Variants in PCDHA7 observed in about 807,000 individuals in gnomAD.
PCDHA7 encodes protocadherin alpha-7.
Under a neutral mutation model 57.2 loss-of-function variants are expected in PCDHA7, and 37 were observed. The ratio of observed to expected loss-of-function variants is 0.65; its 90% CI spans 0.50 to 0.85. PCDHA7 has a LOEUF of 0.85. PCDHA7 is among the 40% of genes least tolerant of loss of function. PCDHA7 has a pLI of 0.00. For missense variants in PCDHA7, 1,188 were observed against 1,241.8 expected (o/e 0.96, Z 0.65); for synonymous variants, 553 against 558.8 (o/e 0.99, Z 0.15).
chr5:140,860,328 C>G (rs971322066), intron 1 of PCDHA7: 8 of 151,880 alleles, frequency 5.3e-5, no homozygotes, highest in Non-Finnish European at 1.0e-4. Context: ...CTGCAGTGAC[C>G]CATGATTGTG....
At chr5:140,955,240 G>A (rs2095156409) in intron 1 of PCDHA7, among the ~76,000 whole-genome samples, 1 of 152,102 alleles carries the variant, frequency 6.6e-6, no homozygotes, top group African/African-American at 2.4e-5. Flanking sequence ...TTTTGCTTAG[G>A]ATCGGCTTGG....
At chr5:140,839,135 A>C (rs1378372841) in intron 1 of PCDHA7, among the ~76,000 whole-genome samples, 3 of 148,212 alleles carry the variant, frequency 2.0e-5, no homozygotes, top group African/African-American at 5.1e-5. Flanking sequence ...CATTCACATA[A>C]GCAGACCAAG....
intron 1 of PCDHA7, among the ~76,000 whole-genome samples, chr5:140,935,909 T>C (rs1452831803): frequency 6.6e-6 from 1 of 151,600 alleles, no homozygotes; most frequent in African/African-American, 2.4e-5. Flanking sequence ...TTTTTTTTTT[T>C]TGAGACAGAT....
chr5:140,907,167 T>C (rs1200819434), intron 1 of PCDHA7, among the ~76,000 whole-genome samples: 3 of 152,166 alleles, frequency 2.0e-5, no homozygotes, highest in Non-Finnish European at 4.4e-5. Context: ...ATATATTGGA[T>C]GCTGATTCAG....
At chr5:140,933,988 G>C (rs1156532752) in intron 1 of PCDHA7, among the ~76,000 whole-genome samples, 1 of 151,832 alleles carries the variant, frequency 6.6e-6, no homozygotes, top group Non-Finnish European at 1.5e-5. Context: ...CCTGGTGTTA[G>C]TGTCACCTCT....
chr5:140,847,280 A>T (rs2150398686), intron 1 of PCDHA7, among the ~76,000 whole-genome samples: 1 of 149,896 alleles, frequency 6.7e-6, no homozygotes, highest in Non-Finnish European at 1.5e-5. Context: ...TTGAACGGGA[A>T]GACAAACTCA....
At position 140,850,252 on chromosome 5, in the gene PCDHA7, G is replaced by C. The variant is rs1377963742; in HGVS notation, c.2355+13514G>C. 3.1e-5 allele frequency: 49 copies of C among 1,593,714 alleles called. 1 individual carries two copies. The East Asian group carries it at 1.0e-3, about 34-fold the overall frequency. ...AGCGAGATGGTGCTGCGGTCGGTGGGCGCCGGCGTAGTGGTGGGGAAGGTG... is the reference window on the plus strand; with the variant it reads ...AGCGAGATGGTGCTGCGGTCGGTGGCCGCCGGCGTAGTGGTGGGGAAGGTG... On this transcript the variant is annotated intron_variant, in intron 1 of 3. Transcript: ENST00000525929.
Position 141,009,767 on chromosome 5 carries a change from G to T in PCDHA7, c.2644G>T (p.Ala882Ser). ...PDKFIIPGSP[A>S]IISIRQEPTN... is the part of the protein sequence containing the mutation. Reference sequence around the variant, plus strand: ...CAAATTCATTATCCCAGGATCTCCTGCAATCATCTCCATCCGGCAGGAGCC... The same window carrying T: ...CAAATTCATTATCCCAGGATCTCCTTCAATCATCTCCATCCGGCAGGAGCC... The change falls in exon 4 of 4, where the codon GCA becomes TCA. Residue 882 changes from alanine to serine, a missense_variant. This residue lies in a region of PCDHA7 where 892 missense variants were observed against 788.5 expected (regional missense o/e 1.13). Coordinates refer to ENST00000525929, the MANE Select transcript of PCDHA7 (RefSeq NM_018910.3). 1 of 1,614,108 alleles carries T rather than the reference G, an allele frequency of 6.2e-7. No individual in the cohort carries two copies. Among genetic ancestry groups the T allele is most frequent in the South Asian group, 1.1e-5 (1 of 91,072 alleles).
intron 1 of PCDHA7, chr5:140,857,572 G>C: frequency 6.3e-7 from 1 of 1,596,716 alleles, no homozygotes; most frequent in Non-Finnish European, 8.6e-7. Flanking sequence ...GCTACGTGTC[G>C]GTGCACGCGG....
At chr5:140,869,378 G>T in intron 1 of PCDHA7, 3 of 1,614,168 alleles carry the variant, frequency 1.9e-6, no homozygotes, top group East Asian at 2.2e-5. Flanking sequence ...CGGATCGACC[G>T]CGAGGAGCTG....
intron 1 of PCDHA7, among the ~76,000 whole-genome samples, chr5:140,906,844 G>C (rs1295549477): frequency 6.6e-6 from 1 of 152,192 alleles, no homozygotes; most frequent in Non-Finnish European, 1.5e-5. Context: ...TTCATCTTGA[G>C]AGTCTGGGTC....
intron 1 of PCDHA7, among the ~76,000 whole-genome samples, chr5:140,951,313 T>C (rs1554219855): frequency 1.3e-5 from 2 of 152,194 alleles, no homozygotes; most frequent in Non-Finnish European, 2.9e-5. Flanking sequence ...TAATGTGTTA[T>C]TCTTGAGATT....
chr5:140,981,260 T>C (rs975813904), intron 2 of PCDHA7, among the ~76,000 whole-genome samples: 11 of 152,324 alleles, frequency 7.2e-5, no homozygotes, highest in African/African-American at 2.4e-4. Flanking sequence ...ACTTTCAAGA[T>C]AAGCAAATGT....
Position 140,953,939 on chromosome 5 carries a change from A to G in PCDHA7, c.2356-25010A>G, listed in dbSNP as rs544318515. ...TATTCTTCCTGATGCTCTCCCTCCCATTGCTCCCCCAACAGGCCCCAGTGT... is the reference window on the plus strand; with the variant it reads ...TATTCTTCCTGATGCTCTCCCTCCCGTTGCTCCCCCAACAGGCCCCAGTGT... On this transcript the variant is annotated intron_variant, in intron 1 of 3. Coordinates refer to ENST00000525929, the MANE Select transcript of PCDHA7 (RefSeq NM_018910.3). Among the ~76,000 whole-genome samples the G allele has an allele frequency of 2.8e-3, 420 of 151,700 alleles. 4 individuals carry two copies. The highest frequency in any genetic ancestry group is 4.8e-3 in the Non-Finnish European group (324 of 67,900).
intron 1 of PCDHA7, among the ~76,000 whole-genome samples, chr5:140,932,458 G>T (rs1316450984): frequency 6.6e-6 from 1 of 151,710 alleles, no homozygotes; most frequent in African/African-American, 2.4e-5. Flanking sequence ...TTTTGCCAGG[G>T]TATATAGGAA....
intron 1 of PCDHA7, among the ~76,000 whole-genome samples, chr5:140,934,420 C>T (rs559621314): frequency 1.1e-4 from 16 of 152,184 alleles, no homozygotes; most frequent in Non-Finnish European, 1.8e-4. Flanking sequence ...TTTGCATTAT[C>T]AATGCAAGTG....
chr5:140,911,724 C>T (rs1255448143), intron 1 of PCDHA7, among the ~76,000 whole-genome samples: 1 of 151,192 alleles, frequency 6.6e-6, no homozygotes, highest in Non-Finnish European at 1.5e-5. Context: ...ACTCTGTAAA[C>T]AGTTCGTGCC....
chr5:140,987,898 A>T (rs1394668777), intron 3 of PCDHA7, among the ~76,000 whole-genome samples: 1 of 152,092 alleles, frequency 6.6e-6, no homozygotes, highest in Non-Finnish European at 1.5e-5. Context: ...CCCTAGTTTT[A>T]TATGGGGATT....
chr5:140,952,952 G>C (rs1477546132), intron 1 of PCDHA7, among the ~76,000 whole-genome samples: 1 of 151,924 alleles, frequency 6.6e-6, no homozygotes, highest in Non-Finnish European at 1.5e-5. Context: ...GAGAGAAGGG[G>C]GAAGTGATAC....
Sources: allele counts gnomAD v4.1 joint callset (sites outside exome capture counted in the v4.1 genomes callset), GRCh38; gene constraint gnomAD v4.1.1; regional missense constraint gnomAD v4.1.1; transcripts MANE v1.5; gene names NCBI Gene and HGNC (gene_info 2026-07-23, HGNC 2026-07-21).